Variants in NELL1 observed in about 807,000 individuals in gnomAD.
The protein encoded by NELL1 is protein kinase C-binding protein NELL1.
NELL1 carries 76 observed loss-of-function variants against 107.4 expected under a neutral mutation model. The ratio of observed to expected loss-of-function variants is 0.71; its 90% CI spans 0.59 to 0.86. The LOEUF is 0.86. Ranked by LOEUF, NELL1 falls within the 40% of genes least tolerant of loss-of-function variation. The pLI is 0.00. For missense variants in NELL1, 1,024 were observed against 1,005.5 expected, an observed-to-expected ratio of 1.02 and a Z score of -0.25; for synonymous variants, 353 against 341.2, an observed-to-expected ratio of 1.03 and a Z score of -0.38.
intron 5 of NELL1, among the ~76,000 whole-genome samples, chr11:20,915,433 A>T (rs1385064405): frequency 5.9e-5 from 9 of 151,680 alleles, no homozygotes; most frequent in African/African-American, 1.7e-4. Context: ...TGTTAAGCAG[A>T]TACTCAAGGT....
chr11:21,302,742 G>C (rs1849520959), intron 14 of NELL1, among the ~76,000 whole-genome samples: 1 of 151,812 alleles, frequency 6.6e-6, no homozygotes, highest in African/African-American at 2.4e-5. Context: ...ACTGCTCTAG[G>C]TTCTGTGGGA....
At chr11:20,783,540 G>T in intron 2 of NELL1, 140 bp from the exon 3 acceptor site, 1 of 594,006 alleles carries the variant, frequency 1.7e-6, no homozygotes, top group Non-Finnish European at 2.8e-6. Context: ...GGATTCTTTG[G>T]ACATGACATT....
chr11:21,015,663 CT>C lies in NELL1; in HGVS notation c.1300+55111del, dbSNP rs1046709337. 8.6e-5 allele frequency among the ~76,000 whole-genome samples: 13 copies of C among 151,774 alleles called. No homozygotes were observed. The South Asian group carries it at 1.5e-3, about 17-fold the overall frequency. On this transcript the variant is annotated intron_variant, in intron 12 of 19. Coordinates refer to ENST00000357134, the MANE Select transcript of NELL1 (RefSeq NM_006157.5). ...TGGAGTGTAGGGCCCATTTTCAAGA[CT>C]TTTTTTTCCCTCCTCTAGTTCTTTC...
intron 15 of NELL1, among the ~76,000 whole-genome samples, chr11:21,399,787 A>G (rs1407630362): frequency 6.6e-6 from 1 of 151,736 alleles, no homozygotes; most frequent in African/African-American, 2.4e-5. Flanking sequence ...TACATCTCTC[A>G]TTTGTGAAAG....
At chr11:21,360,104 G>C (rs1851038303) in intron 14 of NELL1, among the ~76,000 whole-genome samples, 1 of 151,896 alleles carries the variant, frequency 6.6e-6, no homozygotes, top group Non-Finnish European at 1.5e-5. Context: ...TGCTCTTTCA[G>C]ACTTTTTGAT....
intron 10 of NELL1, among the ~76,000 whole-genome samples, chr11:20,944,206 A>G (rs1850916195): frequency 6.6e-6 from 1 of 152,164 alleles, no homozygotes; most frequent in African/African-American, 2.4e-5. Context: ...TGACAAAAGG[A>G]TGCCTGGAGA....
chr11:21,334,936 A>G (rs1850356776), intron 14 of NELL1, among the ~76,000 whole-genome samples: 1 of 151,978 alleles, frequency 6.6e-6, no homozygotes, highest in Non-Finnish European at 1.5e-5. Flanking sequence ...GAGCAGGATT[A>G]GCAAACATGT....
rs1284418483 is a variant in NELL1 at position 20,812,963 on chromosome 11, T to C, written c.335+29133T>C. Among the ~76,000 whole-genome samples, 10 of 123,976 alleles carry C rather than the reference T, an allele frequency of 8.1e-5. 1 individual carries two copies. The East Asian group carries it at 2.0e-3, about 25-fold the overall frequency. The allele number at this position is 123,976 out of a possible 152,430, so 81.3% of individuals were successfully genotyped here. On this transcript the variant is annotated intron_variant, in intron 3 of 19. Coordinates refer to ENST00000357134, the MANE Select transcript of NELL1 (RefSeq NM_006157.5). ...GGCGGAGCCTGCAGTGAGCCGGGAT[T>C]GAGCCACTGCACTCCAGCCTGGGCG...
At chr11:20,935,938 T>G (rs543858641) in intron 9 of NELL1, among the ~76,000 whole-genome samples, 99 of 152,170 alleles carry the variant, frequency 6.5e-4, no homozygotes, top group African/African-American at 2.3e-3. Context: ...TGCCATTCAC[T>G]GAGAGGAGAA....
intron 3 of NELL1, among the ~76,000 whole-genome samples, chr11:20,806,947 G>A (rs1441751139): frequency 1.3e-5 from 2 of 151,856 alleles, no homozygotes; most frequent in Non-Finnish European, 2.9e-5. Context: ...TTCCTTCTCT[G>A]CGTTATCTTC....
chr11:21,252,132 T>A (rs1349115858), intron 14 of NELL1, among the ~76,000 whole-genome samples: 1 of 152,174 alleles, frequency 6.6e-6, no homozygotes, highest in Admixed American at 6.6e-5. Context: ...CAACAGAGAC[T>A]TAGTAGCTAC....
intron 4 of NELL1, among the ~76,000 whole-genome samples, chr11:20,851,927 A>G (rs1237327882): frequency 6.6e-6 from 1 of 152,218 alleles, no homozygotes; most frequent in Non-Finnish European, 1.5e-5. Flanking sequence ...TCGCAATGGC[A>G]GCTGAACAGT....
At chr11:21,563,179 C>T (rs1856890973) in intron 17 of NELL1, among the ~76,000 whole-genome samples, 1 of 152,036 alleles carries the variant, frequency 6.6e-6, no homozygotes, top group African/African-American at 2.4e-5. Flanking sequence ...TGGTTACAGC[C>T]CAGCGTCTTT....
chr11:20,708,109 G>C (rs1377414502), intron 2 of NELL1, among the ~76,000 whole-genome samples: 4 of 152,338 alleles, frequency 2.6e-5, no homozygotes, highest in Non-Finnish European at 5.9e-5. Flanking sequence ...TGTGCTAGTG[G>C]TGAGTGAGGC....
intron 12 of NELL1, among the ~76,000 whole-genome samples, chr11:21,078,273 A>G (rs142232322): frequency 1.2e-4 from 19 of 152,246 alleles, no homozygotes; most frequent in East Asian, 1.9e-4. Flanking sequence ...TTTTCTTTCT[A>G]TATGATGATA....
rs375263928 is a variant in NELL1 at position 20,915,718 on chromosome 11, T to TATATATATATA, written c.604-2464_604-2463insATATATATATA. 1.3e-3 allele frequency among the ~76,000 whole-genome samples: 64 copies of TATATATATATA among 49,222 alleles called. 1 individual carries two copies. The highest frequency in any genetic ancestry group is 2.5e-3 in the African/African-American group (27 of 10,726). The allele number at this position is 49,222 out of a possible 152,430, so 32.3% of individuals were successfully genotyped here. A position where few individuals can be genotyped will look rare whatever the true frequency, so the allele number is the denominator to read the frequency against. ...CATAGATGATATATATATATATATA[T>TATATATATATA]TTTTTTTTTTTTTTTTTGAGAGGAA... is the stretch of plus-strand genomic sequence containing the variant. On this transcript the variant is annotated intron_variant, in intron 5 of 19. Coordinates refer to ENST00000357134, the MANE Select transcript of NELL1 (RefSeq NM_006157.5).
At chr11:21,477,060 T>C (rs1201872573) in intron 15 of NELL1, among the ~76,000 whole-genome samples, 1 of 152,148 alleles carries the variant, frequency 6.6e-6, no homozygotes, top group East Asian at 1.9e-4. Context: ...CAACTTCTTG[T>C]GCTTTGCTAG....
At chr11:20,816,809 A>AT (rs1328109889) in intron 3 of NELL1, among the ~76,000 whole-genome samples, 3 of 151,912 alleles carry the variant, frequency 2.0e-5, no homozygotes, top group African/African-American at 4.8e-5. Flanking sequence ...TTTGATGTAT[A>AT]TTTTTTTCCA....
At chr11:21,414,657 T>A (rs1310966658) in intron 15 of NELL1, among the ~76,000 whole-genome samples, 2 of 152,120 alleles carry the variant, frequency 1.3e-5, no homozygotes, top group Non-Finnish European at 2.9e-5. Flanking sequence ...TTATAAAATA[T>A]AATGTTTTCT....
Sources: gnomAD v4.1 joint callset for allele counts (sites outside exome capture counted in the v4.1 genomes callset) on GRCh38, gnomAD v4.1.1 for gene constraint, MANE v1.5 for transcripts, NCBI Gene and HGNC (gene_info 2026-07-23, HGNC 2026-07-21) for gene names.